MAP3K19: variants seen among roughly 807,000 people sequenced by gnomAD.
MAP3K19 encodes SPS1/STE20-related protein kinase YSK4.
Under a neutral mutation model 114.4 loss-of-function variants are expected in MAP3K19, and 91 were observed. That is an observed-to-expected ratio of 0.80 (90% CI 0.67 to 0.95). The LOEUF is 0.95. Among genes scored for constraint, MAP3K19 ranks in the 40% least tolerant of loss-of-function variants. MAP3K19 has a pLI of 0.00. For missense variants in MAP3K19, 1,471 were observed against 1,573.2 expected, an observed-to-expected ratio of 0.94 and a Z score of 1.10; for synonymous variants, 518 against 530.5, an observed-to-expected ratio of 0.98 and a Z score of 0.32.
chr2:135,005,575 T>C (rs761621130), intron 5 of MAP3K19, 44 bp from the exon 6 acceptor site: 4 of 1,452,610 alleles, frequency 2.8e-6, no homozygotes, highest in Admixed American at 3.4e-5. Context: ...AGTTATTCGA[T>C]GTACCAGTTT....
intron 3 of MAP3K19, among the ~76,000 whole-genome samples, 159 bp from the exon 4 acceptor site, chr2:135,024,900 A>G (rs181730222): frequency 1.1e-4 from 16 of 152,354 alleles, no homozygotes; most frequent in African/African-American, 3.8e-4. Flanking sequence ...ATAGAGGATG[A>G]CAATTTTACA....
At chr2:135,006,265 G>A (rs1686802287) in intron 5 of MAP3K19, among the ~76,000 whole-genome samples, 1 of 152,154 alleles carries the variant, frequency 6.6e-6, no homozygotes, top group African/African-American at 2.4e-5. Flanking sequence ...ATAGATCCAA[G>A]TAATAGTTAA....
At chr2:134,981,559 C>T in intron 11 of MAP3K19, 41 bp from the exon 12 acceptor site, 4 of 1,465,206 alleles carry the variant, frequency 2.7e-6, no homozygotes, top group Non-Finnish European at 2.8e-6. Context: ...AAATTAATGA[C>T]ATAACTTATT....
chr2:135,034,252 C>T lies in MAP3K19; in HGVS notation c.-283-3752G>A, dbSNP rs1470277675. Among the ~76,000 whole-genome samples the T allele has an allele frequency of 5.5e-5, 7 of 127,342 alleles. 1 individual carries two copies. Among genetic ancestry groups the T allele is most frequent in the Admixed American group, 4.0e-4 (5 of 12,538 alleles). 83.5% of individuals were successfully genotyped at this position (127,342 alleles called of 152,430 possible). A position where few individuals can be genotyped will look rare whatever the true frequency, so the allele number is the denominator to read the frequency against. ...GCTCCTCACTTCCTAGATGGGATGG[C>T]GGCCGGGCAGAGACGCCCCTCACTT... On this transcript the variant is annotated intron_variant, in intron 2 of 12. Coordinates refer to ENST00000392915, the MANE Select transcript of MAP3K19 (RefSeq NM_025052.5).
chr2:135,024,712 T>A lies in MAP3K19; in HGVS notation c.-65A>T. 1 of 1,417,842 alleles carries A rather than the reference T, an allele frequency of 7.1e-7. No homozygotes were observed. Among genetic ancestry groups the A allele is most frequent in the Non-Finnish European group, 9.9e-7 (1 of 1,009,016 alleles). 87.8% of individuals were successfully genotyped at this position (1,417,842 alleles called of 1,614,324 possible). A position where few individuals can be genotyped will look rare whatever the true frequency, so the allele number is the denominator to read the frequency against. ...TTGTGACACATAATGTATTGCTGAT[T>A]TTCCACTAAAATCACAAAGTTTAGG... is the stretch of plus-strand genomic sequence containing the variant. On this transcript the variant is annotated 5_prime_UTR_variant, in exon 4 of 13. Coordinates refer to ENST00000392915, the MANE Select transcript of MAP3K19 (RefSeq NM_025052.5).
chr2:135,024,752 C>G lies in MAP3K19; in HGVS notation c.-94-11G>C. On this transcript the variant is annotated splice_polypyrimidine_tract_variant and intron_variant, in intron 3 of 12. Coordinates refer to ENST00000392915, the MANE Select transcript of MAP3K19 (RefSeq NM_025052.5). ...CAAAGTTTAGGATCTCTAGGAAGAA[C>G]AGAATCAACATTAAAGTTTATTTAG... 2.1e-6 allele frequency: 2 copies of G among 932,472 alleles called. No individual in the cohort carries two copies. Among genetic ancestry groups the G allele is most frequent in the Non-Finnish European group, 3.4e-6 (2 of 588,252 alleles). 57.8% of individuals were successfully genotyped at this position (932,472 alleles called of 1,614,324 possible). A position where few individuals can be genotyped will look rare whatever the true frequency, so the allele number is the denominator to read the frequency against.
At chr2:134,967,414 A>C (rs1443236163) in intron 12 of MAP3K19, among the ~76,000 whole-genome samples, 6 of 152,220 alleles carry the variant, frequency 3.9e-5, no homozygotes, top group Non-Finnish European at 7.3e-5. Flanking sequence ...AGGCCGCTGC[A>C]TCCTGCCTGC....
chr2:134,989,689 T>C (rs1685419562), intron 9 of MAP3K19, among the ~76,000 whole-genome samples: 1 of 152,226 alleles, frequency 6.6e-6, no homozygotes, highest in Non-Finnish European at 1.5e-5. Context: ...GCAAATATCT[T>C]TCCAAAAACT....
chr2:135,027,243 T>TA (rs1688276494), intron 3 of MAP3K19, among the ~76,000 whole-genome samples: 2 of 132,448 alleles, frequency 1.5e-5, no homozygotes, highest in African/African-American at 2.9e-5. Flanking sequence ...AGATCCTGTA[T>TA]AAAAAAGAGG....
At chr2:135,003,982 T>C (rs544568489) in intron 6 of MAP3K19, among the ~76,000 whole-genome samples, 1 of 152,390 alleles carries the variant, frequency 6.6e-6, no homozygotes, top group Admixed American at 6.5e-5. Flanking sequence ...AACTGTGAGA[T>C]GCAATTTTAT....
intron 12 of MAP3K19, among the ~76,000 whole-genome samples, chr2:134,973,992 CT>C (rs902574338): frequency 4.0e-5 from 6 of 149,216 alleles, no homozygotes; most frequent in East Asian, 3.9e-4. Flanking sequence ...CCTTTCAAAA[CT>C]TTTTTTTTTG....
chr2:134,986,759 G>A lies in MAP3K19; in HGVS notation c.2113C>T (p.His705Tyr), dbSNP rs1685149843. Reference protein sequence around the residue: ...RRITNKCRSSHSERKSNIRTR... With the variant: ...RRITNKCRSSYSERKSNIRTR... Reference sequence around the variant, plus strand: ...CTGATATTGCTCTTCCTCTCACTGTGTGAAGATCGACATTTATTGGTGATA... The same window carrying A: ...CTGATATTGCTCTTCCTCTCACTGTATGAAGATCGACATTTATTGGTGATA... The change falls in exon 10 of 13, where the codon CAC becomes TAC. Residue 705 changes from histidine (H) to tyrosine (Y), a missense_variant. Transcript: ENST00000392915. 1.2e-6 allele frequency: 2 copies of A among 1,614,098 alleles called. No individual in the cohort carries two copies. Among genetic ancestry groups the A allele is most frequent in the South Asian group, 1.1e-5 (1 of 91,080 alleles).
At chr2:134,968,729 C>T (rs1402054687) in intron 12 of MAP3K19, among the ~76,000 whole-genome samples, 1 of 149,050 alleles carries the variant, frequency 6.7e-6, no homozygotes, top group African/African-American at 2.5e-5. Context: ...AGGGCAGAGG[C>T]GGTCCCCACA....
At chr2:134,996,954 T>C (rs1686034959) in intron 8 of MAP3K19, among the ~76,000 whole-genome samples, 1 of 151,656 alleles carries the variant, frequency 6.6e-6, no homozygotes, top group South Asian at 2.1e-4. Flanking sequence ...GAGGCTGAGG[T>C]GGGAGGATCG....
chr2:135,042,396 G>T (rs946817972), intron 1 of MAP3K19, among the ~76,000 whole-genome samples: 2 of 151,864 alleles, frequency 1.3e-5, no homozygotes, highest in African/African-American at 4.8e-5. Context: ...CAGCTACTCT[G>T]GAGGCTGAGG....
At chr2:135,024,157 T>G (rs992143111) in intron 4 of MAP3K19, among the ~76,000 whole-genome samples, 2 of 152,228 alleles carry the variant, frequency 1.3e-5, no homozygotes, top group African/African-American at 4.8e-5. Flanking sequence ...AGCTTTGTCC[T>G]CTGCCCCCGA....
chr2:135,035,420 A>G (rs1056510004), intron 2 of MAP3K19, among the ~76,000 whole-genome samples: 7 of 152,172 alleles, frequency 4.6e-5, no homozygotes, highest in Admixed American at 1.3e-4. Flanking sequence ...AGACAAACAA[A>G]AAACAATAAA....
intron 12 of MAP3K19, among the ~76,000 whole-genome samples, chr2:134,968,748 G>A (rs1315651303): frequency 8.0e-5 from 12 of 150,336 alleles, no homozygotes; most frequent in African/African-American, 2.9e-4. Flanking sequence ...CATCTCAGAC[G>A]ATGGGCGGCC....
In MAP3K19 at chr2:134,998,856, G is replaced by A. The variant is rs538966751; in HGVS notation, c.456C>T (p.Leu152=). ...VLQKEESSRE[L]CNVNLGFLLP... Reference sequence around the variant, plus strand: ...GCAAAAAGCCCAAGTTCACATTGCAGAGCTCCCTGGAACTTTCCTCTTTTT... The same window carrying A: ...GCAAAAAGCCCAAGTTCACATTGCAAAGCTCCCTGGAACTTTCCTCTTTTT... Residue 152 remains leucine (L), a synonymous_variant, in exon 8 of 13, where the codon CTC becomes CTT. Coordinates refer to ENST00000392915, the MANE Select transcript of MAP3K19 (RefSeq NM_025052.5). The A allele has an allele frequency of 2.6e-5, 42 of 1,614,190 alleles. No homozygotes were observed. The South Asian group carries it at 4.2e-4, about 16-fold the overall frequency.
Sources: gnomAD v4.1 joint callset for allele counts (sites outside exome capture counted in the v4.1 genomes callset) on GRCh38, gnomAD v4.1.1 for gene constraint, MANE v1.5 for transcripts, NCBI Gene and HGNC (gene_info 2026-07-23, HGNC 2026-07-21) for gene names.